ADGRD1: variants seen among roughly 807,000 people sequenced by gnomAD.
ADGRD1 encodes G-protein coupled receptor 133.
In ADGRD1, 77 loss-of-function variants were observed where a neutral mutation model predicts 113.4. The observed-to-expected ratio is 0.68, with a 90% CI of 0.57 to 0.82. The LOEUF is 0.82. Ranked by LOEUF, ADGRD1 falls within the 40% of genes least tolerant of loss-of-function variation. The pLI is 0.00. For missense variants in ADGRD1, 1,036 were observed against 1,139.1 expected (o/e 0.91, Z 1.30); for synonymous variants, 474 against 475.0 (o/e 1.00, Z 0.03).
intron 4 of ADGRD1, 124 bp from the exon 5 acceptor site, chr12:130,981,760 A>G: frequency 3.0e-6 from 2 of 670,770 alleles, no homozygotes; most frequent in South Asian, 4.0e-5. Context: ...CTGAACATAC[A>G]CTGCCTTTAG....
rs1325669083 is a variant in ADGRD1 at position 131,105,861 on chromosome 12, G to C, written c.1883G>C (p.Gly628Ala). The stretch of plus-strand genomic sequence containing the variant: ...CTCATTAGTTTCCGCCTCGAGCCGG[G>C]CACGGTGAGTGGGCGCAGCTCCGTG... Reference protein sequence around the residue: ...LLLISFRLEPGTTPCQVMAVL... With the variant: ...LLLISFRLEPATTPCQVMAVL... The change falls in exon 17 of 25, where the codon GGC becomes GCC. Residue 628 changes from glycine (G) to alanine (A), a missense_variant. Transcript: ENST00000261654. The C allele has an allele frequency of 6.3e-7, 1 of 1,594,826 alleles. No homozygotes were observed. Among genetic ancestry groups the C allele is most frequent in the Admixed American group, 1.7e-5 (1 of 59,776 alleles).
chr12:131,071,947 G>A (rs955817069), intron 13 of ADGRD1, among the ~76,000 whole-genome samples: 2 of 150,860 alleles, frequency 1.3e-5, no homozygotes, highest in African/African-American at 2.4e-5. Flanking sequence ...CGTGTGCCGC[G>A]CTTTCCACTG....
At chr12:131,138,072 A>G in intron 23 of ADGRD1, 65 bp from the exon 24 acceptor site, 1 of 1,336,690 alleles carries the variant, frequency 7.5e-7, no homozygotes, top group Non-Finnish European at 1.1e-6. Flanking sequence ...ACCGGCACAG[A>G]CTCCTCTGGT....
intron 17 of ADGRD1, 52 bp downstream of exon 17, chr12:131,105,917 G>C (rs779265490): frequency 7.5e-7 from 1 of 1,336,056 alleles, no homozygotes; most frequent in South Asian, 1.2e-5. Flanking sequence ...TGCCTCCTCG[G>C]ATGTCACCGG....
At chr12:131,011,758 C>T (rs569279618) in intron 12 of ADGRD1, among the ~76,000 whole-genome samples, 1 of 152,322 alleles carries the variant, frequency 6.6e-6, no homozygotes, top group East Asian at 1.9e-4. Flanking sequence ...TTTTCCAGCG[C>T]GTTTGGTGGA....
chr12:131,123,078 CAG>C lies in ADGRD1; in HGVS notation c.2175+2168_2175+2169del, dbSNP rs907564279. Among the ~76,000 whole-genome samples, 10 of 38,222 alleles carry C rather than the reference CAG, an allele frequency of 2.6e-4. No individual in the cohort carries two copies. The South Asian group carries it at 8.6e-3, about 33-fold the overall frequency. The allele number at this position is 38,222 out of a possible 152,430, so 25.1% of individuals were successfully genotyped here. On this transcript the variant is annotated intron_variant, in intron 20 of 24. Transcript: ENST00000261654. ...TTTTTTTTTTTTTTTTTTTTTGCGA[CAG>C]AGTCTTCGCTCTGTCGCCCAGGCTG...
intron 13 of ADGRD1, among the ~76,000 whole-genome samples, chr12:131,062,457 T>G (rs1275528071): frequency 6.6e-6 from 1 of 152,238 alleles, no homozygotes; most frequent in Non-Finnish European, 1.5e-5. Flanking sequence ...ATTACAGGGC[T>G]GATATGGTTT....
chr12:131,002,544 G>C (rs1004648111), intron 9 of ADGRD1: 50 of 1,005,054 alleles, frequency 5.0e-5, no homozygotes, highest in Non-Finnish European at 5.0e-5. Context: ...CACTGGCCCA[G>C]CTCAGCAGGG....
intron 3 of ADGRD1, chr12:130,967,537 G>A (rs940029656): frequency 1.3e-5 from 2 of 152,720 alleles, no homozygotes; most frequent in Non-Finnish European, 2.9e-5. Context: ...CTGTTCCGTG[G>A]GAGGCGTTTT....
chr12:131,030,894 C>A (rs773929613), intron 13 of ADGRD1: 1 of 152,274 alleles, frequency 6.6e-6, no homozygotes, highest in Non-Finnish European at 1.5e-5. Context: ...TGAGCCGCAT[C>A]TGCAGCCTGT....
chr12:131,052,835 G>T (rs897238240), intron 13 of ADGRD1, among the ~76,000 whole-genome samples: 2 of 152,154 alleles, frequency 1.3e-5, no homozygotes, highest in Non-Finnish European at 2.9e-5. Flanking sequence ...GCTCTGGAGG[G>T]GTGAGGACCC....
In ADGRD1 at chr12:131,071,254, G is replaced by A. The variant is rs558345062; in HGVS notation, c.1474-5547G>A. On this transcript the variant is annotated intron_variant, in intron 13 of 24. Transcript: ENST00000261654. The stretch of plus-strand genomic sequence containing the variant: ...GTGGGGCTAAGCGAAAGGAGGTGGA[G>A]CCATGTACAAGGAGGTGGGGCTAAG... Among the ~76,000 whole-genome samples the A allele has an allele frequency of 1.4e-3, 186 of 135,446 alleles. 10 individuals carry two copies. Among genetic ancestry groups the A allele is most frequent in the African/African-American group, 5.0e-3 (175 of 35,050 alleles). The allele number at this position is 135,446 out of a possible 152,430, so 88.9% of individuals were successfully genotyped here. A position where few individuals can be genotyped will look rare whatever the true frequency, so the allele number is the denominator to read the frequency against.
At chr12:131,085,159 C>T (rs1241356997) in intron 15 of ADGRD1, among the ~76,000 whole-genome samples, 1 of 152,220 alleles carries the variant, frequency 6.6e-6, no homozygotes, top group Non-Finnish European at 1.5e-5. Context: ...AAGAGAACAG[C>T]CCAGTAGAAG....
At chr12:131,138,854 C>T (rs532384138) in intron 24 of ADGRD1, among the ~76,000 whole-genome samples, 2 of 152,316 alleles carry the variant, frequency 1.3e-5, no homozygotes, top group South Asian at 2.1e-4. Flanking sequence ...ATGAACGCAG[C>T]GTGGACAGAT....
intron 18 of ADGRD1, among the ~76,000 whole-genome samples, chr12:131,114,734 T>TG (rs150413436): frequency 0.051 from 7,661 of 151,020 alleles, 290 homozygotes; most frequent in Middle Eastern, 0.085. Context: ...TGAGGTGGGG[T>TG]GGGGGGGCAT....
intron 4 of ADGRD1, among the ~76,000 whole-genome samples, chr12:130,972,029 C>T (rs565991544): frequency 4.6e-5 from 7 of 152,220 alleles, no homozygotes; most frequent in South Asian, 2.1e-4. Flanking sequence ...TTACATTCAT[C>T]GAGAGGGGCT....
At chr12:131,044,529 T>C (rs1287934161) in intron 13 of ADGRD1, among the ~76,000 whole-genome samples, 1 of 152,234 alleles carries the variant, frequency 6.6e-6, no homozygotes, top group African/African-American at 2.4e-5. Context: ...TGAAAATATT[T>C]ATTTGTAATT....
intron 13 of ADGRD1, among the ~76,000 whole-genome samples, chr12:131,028,923 G>A (rs11061288): frequency 0.051 from 7,713 of 152,262 alleles, 393 homozygotes; most frequent in African/African-American, 0.13. Flanking sequence ...GATGCGCGTC[G>A]TGAAACTGCC....
intron 8 of ADGRD1, among the ~76,000 whole-genome samples, chr12:130,993,409 TAGA>T (rs1874700818): frequency 6.7e-6 from 1 of 149,880 alleles, no homozygotes; most frequent in South Asian, 2.2e-4. Flanking sequence ...CATTCATTCA[TAGA>T]CCATACTAGA....
Sources: gnomAD v4.1 joint callset for allele counts (sites outside exome capture counted in the v4.1 genomes callset) on GRCh38, gnomAD v4.1.1 for gene constraint, MANE v1.5 for transcripts, NCBI Gene and HGNC (gene_info 2026-07-23, HGNC 2026-07-21) for gene names.